CROCC: variants seen among roughly 807,000 people sequenced by gnomAD.
CROCC encodes the protein rootletin.
CROCC carries 180 observed loss-of-function variants against 245.2 expected under a neutral mutation model. The observed-to-expected ratio is 0.73, with a 90% CI of 0.65 to 0.83. The LOEUF (loss-of-function observed/expected upper bound fraction) is 0.83, where lower values mean the gene tolerates loss of function less well. Among genes scored for constraint, CROCC ranks in the 40% least tolerant of loss-of-function variants. The pLI is 0.00. For synonymous variants in CROCC, 1,205 were observed against 1,241.6 expected (o/e 0.97, Z 0.62); for missense variants, 2,688 against 2,779.4 (o/e 0.97, Z 0.74).
At position 16,970,192 on chromosome 1, in the gene CROCC, A is replaced by C. The variant is rs2076491167; in HGVS notation, c.5452-61A>C. 3 of 1,451,008 alleles carry C rather than the reference A, an allele frequency of 2.1e-6. No homozygotes were observed. The African/African-American group carries it at 4.3e-5, about 21-fold the overall frequency. The allele number at this position is 1,451,008 out of a possible 1,614,324, so 89.9% of individuals were successfully genotyped here. On this transcript the variant is annotated intron_variant, in intron 33 of 36. Transcript: ENST00000375541. ...GAGTGGGCCAGCCTCATTGTCCCCAAGCTTCAGATAAGTATGCTCAGGCCC... is the reference window on the plus strand; with the variant it reads ...GAGTGGGCCAGCCTCATTGTCCCCACGCTTCAGATAAGTATGCTCAGGCCC...
At chr1:16,920,514 A>G (rs1157548065), upstream of CROCC, among the ~76,000 whole-genome samples, 1 of 152,244 alleles carries the variant, frequency 6.6e-6, no homozygotes, top group Non-Finnish European at 1.5e-5. Flanking sequence ...CCTTTTAGAG[A>G]TGAGAAAACT....
chr1:16,928,344 A>C (rs2075582881), intron 3 of CROCC, among the ~76,000 whole-genome samples: 1 of 152,254 alleles, frequency 6.6e-6, no homozygotes, highest in South Asian at 2.1e-4. Flanking sequence ...ACCTGGGGCC[A>C]GCAGGTGCCT....
intron 13 of CROCC, among the ~76,000 whole-genome samples, 163 bp from the exon 14 acceptor site, chr1:16,943,937 T>A (rs548728337): frequency 0.024 from 3,704 of 151,204 alleles, no homozygotes; most frequent in Middle Eastern, 0.052. Context: ...AGTGTGTGAG[T>A]GAAATGAGTC....
rs558140925 is a variant in CROCC at position 16,965,682 on chromosome 1, G to GT, written c.4406-40dup. 1,161 of 1,426,920 alleles carry GT rather than the reference G, an allele frequency of 8.1e-4. 4 individuals carry two copies. Among genetic ancestry groups the GT allele is most frequent in the Admixed American group, 1.1e-3 (62 of 57,300 alleles). The allele number at this position is 1,426,920 out of a possible 1,614,324, so 88.4% of individuals were successfully genotyped here. ...AGTGAGTGAGATGTGTGGGAGGCCC[G>GT]TGGCTTCTGCATCACTGAGCAAGTC... On this transcript the variant is annotated intron_variant, in intron 27 of 36. Transcript: ENST00000375541.
upstream of CROCC, among the ~76,000 whole-genome samples, chr1:16,917,277 G>C (rs2075318085): frequency 6.6e-6 from 1 of 152,304 alleles, no homozygotes; most frequent in Non-Finnish European, 1.5e-5. Flanking sequence ...GTGGTGCCAG[G>C]AGTGTTAAAG....
chr1:16,919,146 T>C (rs1464825466), upstream of CROCC, among the ~76,000 whole-genome samples: 1 of 152,284 alleles, frequency 6.6e-6, no homozygotes, highest in Admixed American at 6.5e-5. Context: ...GTTTCCTTAG[T>C]TGGGCGTGAG....
In CROCC at chr1:16,958,645, C is replaced by A; in HGVS notation, c.3927C>A (p.Arg1309=). 1.3e-6 allele frequency: 2 copies of A among 1,556,102 alleles called. No individual in the cohort carries two copies. Among genetic ancestry groups the A allele is most frequent in the Non-Finnish European group, 1.7e-6 (2 of 1,150,382 alleles). ...GGGAGCTGGCGGAGCTGCAGGGCCG[C>A]CTGGCGCTGGGCGAGCGGGCAGAGA... is the stretch of plus-strand genomic sequence containing the variant. The part of the protein sequence containing the change: ...LGRELAELQG[R]LALGERAEKE... Residue 1309 remains arginine, a synonymous_variant, in exon 26 of 37, where the codon CGC becomes CGA. Transcript: ENST00000375541.
At chr1:16,919,778 C>G (rs1570571533), upstream of CROCC, among the ~76,000 whole-genome samples, 1 of 152,400 alleles carries the variant, frequency 6.6e-6, no homozygotes, top group East Asian at 1.9e-4. Context: ...CAGAGTCTCG[C>G]TATGTTGCCC....
intron 13 of CROCC, among the ~76,000 whole-genome samples, chr1:16,942,280 G>A (rs1168931737): frequency 1.8e-4 from 27 of 152,372 alleles, no homozygotes; most frequent in Non-Finnish European, 3.4e-4. Context: ...TTATAGGTGT[G>A]AGCCATCACG....
In CROCC at chr1:16,965,741, A is replaced by G. The variant is rs760336239; in HGVS notation, c.4424A>G (p.Asn1475Ser). The G allele has an allele frequency of 1.2e-6, 2 of 1,612,170 alleles. No homozygotes were observed. Among genetic ancestry groups the G allele is most frequent in the East Asian group, 2.2e-5 (1 of 44,882 alleles). Residue 1475 changes from asparagine (N) to serine (S), a missense_variant, in exon 28 of 37, where the codon AAC (asparagine) becomes AGC (serine). Physicochemically the swap from Asn to Ser is conservative, Grantham distance 46. Around this residue, in one of 9 missense-constraint regions of CROCC, gnomAD observed 1,218 missense variants for 1,286.3 expected, o/e 0.95. Transcript: ENST00000375541. ...CTTCTAGGAAGCGGGGAAGGGCTCA[A>G]CAGCCCCAGCACCTTAGAATGCAGC... ...APAEGSGEGL[N>S]SPSTLECSPG...
chr1:16,939,150 G>T lies in CROCC; in HGVS notation c.1608+8G>T. The stretch of plus-strand genomic sequence containing the variant: ...CGCCAGCTGCAGGTCCAGGTAGGAA[G>T]GGGCTTGAGCGTTCTGGGCGCAGCC... On this transcript the variant is annotated splice_region_variant and intron_variant, in intron 12 of 36. Coordinates refer to ENST00000375541, the MANE Select transcript of CROCC (RefSeq NM_014675.5). 2 of 1,474,844 alleles carry T rather than the reference G, an allele frequency of 1.4e-6. No individual in the cohort carries two copies. The allele number at this position is 1,474,844 out of a possible 1,614,324, so 91.4% of individuals were successfully genotyped here.
rs1172827373 is a variant in CROCC, at chr1:16,954,669, G to C, written c.3322-65G>C. On this transcript the variant is annotated intron_variant, in intron 22 of 36. Coordinates refer to ENST00000375541, the MANE Select transcript of CROCC (RefSeq NM_014675.5). The surrounding 1 kb of genome is among the most constrained non-coding windows in gnomAD (Gnocchi z 4.4). ...CTAAAAGTGGACAGTGCACTGAGCG[G>C]GTTGGGAGCAGCCCGGGGCTGGGGG... 2 of 1,489,756 alleles carry C rather than the reference G, an allele frequency of 1.3e-6. No individual in the cohort carries two copies. The highest frequency in any genetic ancestry group is 4.6e-5 in the Admixed American group (2 of 43,440). The allele number at this position is 1,489,756 out of a possible 1,614,324, so 92.3% of individuals were successfully genotyped here. A position where few individuals can be genotyped will look rare whatever the true frequency, so the allele number is the denominator to read the frequency against.
Position 16,939,125 on chromosome 1 carries a change from C to T in CROCC, c.1591C>T (p.Arg531Cys), listed in dbSNP as rs757974639. Reference protein sequence around the residue: ...LALIHSALHKRQLQVQDMRGR... With the variant: ...LALIHSALHKCQLQVQDMRGR... Reference sequence around the variant, plus strand: ...CCTGATCCACTCCGCCCTGCACAAGCGCCAGCTGCAGGTCCAGGTAGGAAG... The same window carrying T: ...CCTGATCCACTCCGCCCTGCACAAGTGCCAGCTGCAGGTCCAGGTAGGAAG... The change falls in exon 12 of 37, where the codon CGC becomes TGC. Residue 531 changes from arginine (R) to cysteine (C), a missense_variant. Arg to Cys is a radical substitution (Grantham distance 180). This residue lies in a region of CROCC where 972 missense variants were observed against 895.3 expected (regional missense o/e 1.09). Transcript: ENST00000375541. 20 of 1,529,438 alleles carry T rather than the reference C, an allele frequency of 1.3e-5. No homozygotes were observed. The South Asian group carries it at 2.0e-4, about 16-fold the overall frequency. The allele number at this position is 1,529,438 out of a possible 1,614,324, so 94.7% of individuals were successfully genotyped here.
chr1:16,922,636 C>G, intron 1 of CROCC, 27 bp from the exon 2 acceptor site: 2 of 1,584,546 alleles, frequency 1.3e-6, no homozygotes, highest in Non-Finnish European at 8.6e-7. Context: ...CCCATGTCCC[C>G]TGAAGACCCT....
chr1:16,938,782 G>C (rs1410504327), intron 11 of CROCC, 127 bp from the exon 12 acceptor site: 6 of 969,070 alleles, frequency 6.2e-6, no homozygotes, highest in African/African-American at 1.6e-5. Context: ...GTGAAATCAG[G>C]AAGGCTTCTT....
Position 16,939,028 on chromosome 1 carries a change from C to T in CROCC, c.1494C>T (p.Arg498=), listed in dbSNP as rs757438101. The change falls in exon 12 of 37, where the codon CGC becomes CGT. Residue 498 remains arginine, a synonymous_variant. Transcript: ENST00000375541. ...SGQRTPSPPR[R]SSPGRGRSPR... ...AGCGGACCCCGTCCCCACCGCGGCG[C>T]TCCTCGCCCGGCCGAGGCCGTTCAC... 1.3e-6 allele frequency: 2 copies of T among 1,597,692 alleles called. No homozygotes were observed. The highest frequency in any genetic ancestry group is 1.3e-5 in the African/African-American group (1 of 74,328).
At chr1:16,923,967 C>T (rs1169901630) in intron 2 of CROCC, among the ~76,000 whole-genome samples, 8 of 152,224 alleles carry the variant, frequency 5.3e-5, no homozygotes, top group Non-Finnish European at 1.2e-4. Flanking sequence ...GGCGTGAGTC[C>T]GTGCCCGCCC....
intron 13 of CROCC, among the ~76,000 whole-genome samples, chr1:16,943,601 C>T (rs545592884): frequency 7.2e-5 from 11 of 152,362 alleles, no homozygotes; most frequent in South Asian, 6.2e-4. Context: ...CAGTGGGGAA[C>T]GTGGCAGCTC....
chr1:16,946,734 G>A (rs150920316), intron 16 of CROCC, 27 bp from the exon 17 acceptor site: 240 of 1,547,484 alleles, frequency 1.6e-4, no homozygotes, highest in East Asian at 6.6e-4. Context: ...CCCTGCTCAC[G>A]AGGCCCCACT....
Sources: gnomAD v4.1 joint callset for allele counts (sites outside exome capture counted in the v4.1 genomes callset) on GRCh38, gnomAD v4.1.1 for gene constraint, gnomAD v4.1.1 regional missense constraint, Gnocchi (gnomAD v3.1) non-coding constraint, MANE v1.5 for transcripts, NCBI Gene and HGNC (gene_info 2026-07-23, HGNC 2026-07-21) for gene names.